SEMA3A: variants seen among roughly 807,000 people sequenced by gnomAD.
SEMA3A encodes semaphorin 3A.
SEMA3A carries 29 observed loss-of-function variants against 97.9 expected under a neutral mutation model. That is an observed-to-expected ratio of 0.30 (90% CI 0.22 to 0.40). SEMA3A has a LOEUF of 0.40. Among genes scored for constraint, SEMA3A ranks in the 10% least tolerant of loss-of-function variants. SEMA3A has a pLI of 1.00. For synonymous variants in SEMA3A, 321 were observed against 323.7 expected (o/e 0.99, Z 0.09); for missense variants, 763 against 951.3 (o/e 0.80, Z 2.60).
At chr7:84,477,913 C>T (rs879058457) in intron 1 of SEMA3A, among the ~76,000 whole-genome samples, 2 of 152,156 alleles carry the variant, frequency 1.3e-5, no homozygotes, top group Admixed American at 1.3e-4. Context: ...GGAGCTCATT[C>T]TGCCTGGACT....
At chr7:84,403,433 G>A (rs1485691324) in intron 1 of SEMA3A, among the ~76,000 whole-genome samples, 2 of 152,210 alleles carry the variant, frequency 1.3e-5, no homozygotes, top group African/African-American at 4.8e-5. Flanking sequence ...CACAGCTCAA[G>A]GAGGCCTGCT....
intron 3 of SEMA3A, among the ~76,000 whole-genome samples, chr7:84,258,767 A>C (rs1478997020): frequency 6.6e-6 from 1 of 152,140 alleles, no homozygotes; most frequent in African/African-American, 2.4e-5. Context: ...GTGCAATCAA[A>C]ATTATAGCCC....
chr7:84,138,525 C>T (rs929313859), intron 1 of SEMA3A, among the ~76,000 whole-genome samples: 5 of 152,056 alleles, frequency 3.3e-5, no homozygotes, highest in African/African-American at 9.7e-5. Flanking sequence ...CTGTTTCCTA[C>T]GTACAGACAA....
chr7:84,461,173 C>T (rs933424535), intron 1 of SEMA3A, among the ~76,000 whole-genome samples: 1 of 152,118 alleles, frequency 6.6e-6, no homozygotes. Context: ...ATCCTCTACA[C>T]ATGGGATGTA....
At position 83,959,979 on chromosome 7, in the gene SEMA3A, G is replaced by A. The variant is rs992350929; in HGVS notation, c.*1392C>T. 6.6e-6 allele frequency: 1 copy of A among 152,058 alleles called. No individual in the cohort carries two copies. The highest frequency in any genetic ancestry group is 6.6e-5 in the Admixed American group (1 of 15,252). The allele number at this position is 152,058 out of a possible 1,614,324, so 9.4% of individuals were successfully genotyped here. A position where few individuals can be genotyped will look rare whatever the true frequency, so the allele number is the denominator to read the frequency against. On this transcript the variant is annotated 3_prime_UTR_variant, in exon 17 of 17. Coordinates refer to ENST00000265362, the MANE Select transcript of SEMA3A (RefSeq NM_006080.3). ...TTGTTTAAATGTGGGTTGCATCCTG[G>A]AAAATACTTTGTAGAAAAGTCCCTC...
At chr7:84,199,596 T>C (rs1798308120), upstream of SEMA3A, among the ~76,000 whole-genome samples, 1 of 152,068 alleles carries the variant, frequency 6.6e-6, no homozygotes, top group South Asian at 2.1e-4. Context: ...AACGCTTCAT[T>C]AGTATTTGAG....
intron 6 of SEMA3A, among the ~76,000 whole-genome samples, chr7:84,017,949 G>T (rs1035860713): frequency 6.6e-6 from 1 of 151,942 alleles, no homozygotes; most frequent in Non-Finnish European, 1.5e-5. Flanking sequence ...TTAAGCAAGG[G>T]TTTAAAACCC....
chr7:84,465,253 A>C (rs1485232887), intron 1 of SEMA3A, among the ~76,000 whole-genome samples: 2 of 152,186 alleles, frequency 1.3e-5, no homozygotes, highest in African/African-American at 4.8e-5. Context: ...GAATAGCAGG[A>C]TCTTCAAACT....
intron 1 of SEMA3A, among the ~76,000 whole-genome samples, chr7:84,418,131 A>C (rs1804484473): frequency 6.6e-6 from 1 of 152,058 alleles, no homozygotes; most frequent in South Asian, 2.1e-4. Flanking sequence ...AAGTCAGTGG[A>C]CTGGGAGAGG....
chr7:84,360,386 T>C (rs888323770), intron 2 of SEMA3A, among the ~76,000 whole-genome samples: 3 of 152,142 alleles, frequency 2.0e-5, no homozygotes, highest in Non-Finnish European at 2.9e-5. Context: ...ATTTCGGCCT[T>C]CATTTCGTTA....
intron 3 of SEMA3A, among the ~76,000 whole-genome samples, chr7:84,219,225 C>T (rs1184006089): frequency 1.3e-5 from 2 of 152,142 alleles, no homozygotes; most frequent in Admixed American, 6.6e-5. Context: ...TTTATATTCT[C>T]ACCTCACTTG....
At chr7:84,144,074 T>C (rs1796394712) in intron 1 of SEMA3A, among the ~76,000 whole-genome samples, 1 of 151,638 alleles carries the variant, frequency 6.6e-6, no homozygotes, top group South Asian at 2.1e-4. Flanking sequence ...GTGAAAGGTA[T>C]GAATACCAGA....
At chr7:84,080,171 G>A (rs1338643539) in intron 4 of SEMA3A, among the ~76,000 whole-genome samples, 2 of 112,698 alleles carry the variant, frequency 1.8e-5, no homozygotes, top group Non-Finnish European at 3.3e-5. Context: ...CATGGACACG[G>A]AAGGGGAACA....
intron 1 of SEMA3A, among the ~76,000 whole-genome samples, chr7:84,424,520 ATGT>A (rs1562942459): frequency 6.7e-4 from 51 of 76,246 alleles, no homozygotes; most frequent in African/African-American, 1.6e-3. Flanking sequence ...ATATTAATAT[ATGT>A]TATATATAAT....
At chr7:84,449,474 G>T (rs1239548820) in intron 1 of SEMA3A, among the ~76,000 whole-genome samples, 1 of 151,908 alleles carries the variant, frequency 6.6e-6, no homozygotes, top group African/African-American at 2.4e-5. Flanking sequence ...CAAACAACAG[G>T]ACTGAAAGAG....
intron 12 of SEMA3A, among the ~76,000 whole-genome samples, chr7:83,994,939 C>T (rs1352683834): frequency 6.6e-6 from 1 of 152,072 alleles, no homozygotes; most frequent in African/African-American, 2.4e-5. Flanking sequence ...GCAGTTTGAT[C>T]TCAGACTGCT....
rs143007146 is a variant in SEMA3A, at chr7:84,110,532, C to T, written c.391G>A (p.Ala131Thr). Reference protein sequence around the residue: ...LKAYNQTHLYACGTGAFHPIC... With the variant: ...LKAYNQTHLYTCGTGAFHPIC... ...GGATGAAAAGCCCCCGTTCCACAGG[C>T]GTACAAGTGAGTCTGATTATATGCC... The change falls in exon 4 of 17, where the codon GCC becomes ACC. Residue 131 changes from alanine (A) to threonine (T), a missense_variant. Coordinates refer to ENST00000265362, the MANE Select transcript of SEMA3A (RefSeq NM_006080.3). 73 of 1,613,922 alleles carry T rather than the reference C, an allele frequency of 4.5e-5. No individual in the cohort carries two copies. The Middle Eastern group carries it at 6.6e-4, about 15-fold the overall frequency.
intron 1 of SEMA3A, among the ~76,000 whole-genome samples, chr7:84,408,246 G>A (rs531346301): frequency 1.7e-3 from 257 of 152,170 alleles, no homozygotes; most frequent in Non-Finnish European, 2.9e-3. Context: ...ATGAACAGAC[G>A]CTTCTCAAAA....
At chr7:84,229,567 C>T (rs1799069881) in intron 3 of SEMA3A, among the ~76,000 whole-genome samples, 1 of 152,042 alleles carries the variant, frequency 6.6e-6, no homozygotes. Context: ...ATAATGAAAT[C>T]TTATGGCCTC....
Sources: gnomAD v4.1 joint callset for allele counts (sites outside exome capture counted in the v4.1 genomes callset) on GRCh38, gnomAD v4.1.1 for gene constraint, MANE v1.5 for transcripts, NCBI Gene and HGNC (gene_info 2026-07-23, HGNC 2026-07-21) for gene names.